RGS22: variants seen among roughly 807,000 people sequenced by gnomAD.
RGS22 encodes regulator of G-protein signaling 22.
A neutral mutation model predicts 172.9 loss-of-function variants in RGS22; 148 were observed. That is an observed-to-expected ratio of 0.86 (90% CI 0.75 to 0.98). RGS22 has a LOEUF of 0.98. Among genes scored for constraint, RGS22 ranks in the 50% least tolerant of loss-of-function variants. The pLI, the probability that RGS22 is intolerant of heterozygous loss-of-function variation, is 0.00. For missense variants in RGS22, 1,347 were observed against 1,440.8 expected (o/e 0.93, Z 1.05); for synonymous variants, 458 against 480.2 (o/e 0.95, Z 0.60).
Position 99,981,822 on chromosome 8 carries a change from A to G in RGS22, c.3360+115T>C, listed in dbSNP as rs916325670. The G allele has an allele frequency of 3.5e-6, 3 of 858,290 alleles. No homozygotes were observed. The Admixed American group carries it at 9.2e-5, about 26-fold the overall frequency. The allele number at this position is 858,290 out of a possible 1,614,324, so 53.2% of individuals were successfully genotyped here. A position where few individuals can be genotyped will look rare whatever the true frequency, so the allele number is the denominator to read the frequency against. Reference sequence around the variant, plus strand: ...AACAATCTGCCTGCCTCAGCCTCCCAAAGTGCTGGGATTACAGGCGTGAGC... The same window carrying G: ...AACAATCTGCCTGCCTCAGCCTCCCGAAGTGCTGGGATTACAGGCGTGAGC... On this transcript the variant is annotated intron_variant, in intron 22 of 27. Coordinates refer to ENST00000360863, the MANE Select transcript of RGS22 (RefSeq NM_015668.5).
rs574814121 is a variant in RGS22 at position 100,029,161 on chromosome 8, T to G, written c.2166+9770A>C. Reference sequence around the variant, plus strand: ...TCTGATGCTAGAAAATGAATATTGCTAACAACCATGTGAACACTGAAGCTG... The same window carrying G: ...TCTGATGCTAGAAAATGAATATTGCGAACAACCATGTGAACACTGAAGCTG... On this transcript the variant is annotated intron_variant, in intron 14 of 27. Coordinates refer to ENST00000360863, the MANE Select transcript of RGS22 (RefSeq NM_015668.5). Among the ~76,000 whole-genome samples the G allele has an allele frequency of 7.9e-5, 12 of 152,232 alleles. No homozygotes were observed. In the East Asian group the frequency reaches 2.1e-3, roughly 27 times the overall value.
intron 20 of RGS22, among the ~76,000 whole-genome samples, chr8:99,987,963 A>G (rs1182046605): frequency 1.3e-5 from 2 of 151,690 alleles, no homozygotes; most frequent in East Asian, 3.9e-4. Context: ...TGTTATGATT[A>G]TATGTTATTA....
chr8:100,071,559 A>C, intron 5 of RGS22, 22 bp from the exon 6 acceptor site: 5 of 1,573,470 alleles, frequency 3.2e-6, no homozygotes, highest in Non-Finnish European at 1.7e-6. Flanking sequence ...AAATCATACA[A>C]ATTTAAAACA....
intron 14 of RGS22, chr8:100,038,655 A>G (rs989628288): frequency 3.1e-5 from 8 of 259,808 alleles, no homozygotes; most frequent in African/African-American, 1.6e-4. Context: ...AAAGGTATAC[A>G]TTAGAAAAAA....
intron 2 of RGS22, among the ~76,000 whole-genome samples, chr8:100,095,220 G>A (rs750829861): frequency 1.4e-4 from 21 of 152,170 alleles, no homozygotes; most frequent in African/African-American, 2.2e-4. Context: ...GTCTTGCCCC[G>A]TCACCCAGGC....
chr8:100,060,417 T>TAC lies in RGS22; in HGVS notation c.1514+2173_1514+2174insGT, dbSNP rs1810028066. ...TTAGCTACGTGTATATATATATATATATATACACACACACACACACACACG... is the reference window on the plus strand; with the variant it reads ...TTAGCTACGTGTATATATATATATATACATATACACACACACACACACACACG... On this transcript the variant is annotated intron_variant, in intron 9 of 27. Coordinates refer to ENST00000360863, the MANE Select transcript of RGS22 (RefSeq NM_015668.5). 9.9e-5 allele frequency among the ~76,000 whole-genome samples: 13 copies of TAC among 131,106 alleles called. No individual in the cohort carries two copies. The South Asian group carries it at 3.2e-3, about 32-fold the overall frequency. The allele number at this position is 131,106 out of a possible 152,430, so 86.0% of individuals were successfully genotyped here.
intron 4 of RGS22, 115 bp from the exon 5 acceptor site, chr8:100,072,345 CT>C (rs1400774333): frequency 1.6e-5 from 9 of 565,676 alleles, no homozygotes; most frequent in Non-Finnish European, 2.7e-5. Context: ...AGCCCTACCC[CT>C]AGGTCTTCTA....
intron 6 of RGS22, among the ~76,000 whole-genome samples, chr8:100,068,554 TC>T (rs200320643): frequency 0.012 from 1,837 of 152,326 alleles, 32 homozygotes; most frequent in African/African-American, 0.038. Context: ...CCAGATTGAT[TC>T]TTCCCTTTAC....
chr8:100,029,379 C>A (rs185681155), intron 14 of RGS22, among the ~76,000 whole-genome samples: 2 of 152,068 alleles, frequency 1.3e-5, no homozygotes, highest in Non-Finnish European at 2.9e-5. Flanking sequence ...AACTATAACA[C>A]GTTTAAAATG....
chr8:100,019,065 A>G (rs1020260138), intron 14 of RGS22, among the ~76,000 whole-genome samples: 1 of 152,178 alleles, frequency 6.6e-6, no homozygotes, highest in Non-Finnish European at 1.5e-5. Flanking sequence ...AGGCTAAATG[A>G]TGACAGCTAT....
intron 3 of RGS22, among the ~76,000 whole-genome samples, chr8:100,090,331 T>C (rs1812480555): frequency 6.6e-6 from 1 of 152,100 alleles, no homozygotes; most frequent in Non-Finnish European, 1.5e-5. Flanking sequence ...TGGTGAGATT[T>C]GAGCATGGGA....
At chr8:100,012,392 A>C (rs564952735) in intron 14 of RGS22, among the ~76,000 whole-genome samples, 1 of 152,336 alleles carries the variant, frequency 6.6e-6, no homozygotes, top group Non-Finnish European at 1.5e-5. Context: ...AAAGAGCAAC[A>C]GTGATTTGAA....
intron 9 of RGS22, among the ~76,000 whole-genome samples, chr8:100,054,763 A>C (rs1822067178): frequency 2.6e-5 from 4 of 152,120 alleles, no homozygotes. Flanking sequence ...CAGAACCTTT[A>C]CTTGCAGACT....
intron 19 of RGS22, 97 bp from the exon 20 acceptor site, chr8:99,996,627 C>T: frequency 9.7e-7 from 1 of 1,030,478 alleles, no homozygotes; most frequent in Non-Finnish European, 1.5e-6. Flanking sequence ...TAAAGGTTAA[C>T]TTGGACAAGA....
chr8:100,051,869 ATATATT>A (rs1163841817), intron 10 of RGS22, among the ~76,000 whole-genome samples: 17 of 56,278 alleles, frequency 3.0e-4, no homozygotes, highest in African/African-American at 1.5e-3. Flanking sequence ...ATAAATGTTT[ATATATT>A]TATATATTTA....
At chr8:100,060,252 A>C (rs992562810) in intron 9 of RGS22, among the ~76,000 whole-genome samples, 4 of 151,652 alleles carry the variant, frequency 2.6e-5, no homozygotes, top group African/African-American at 9.7e-5. Flanking sequence ...TTCTTTTATT[A>C]TACTAATGTC....
chr8:100,088,617 GCAAT>G (rs1400189459), intron 3 of RGS22, among the ~76,000 whole-genome samples: 1 of 152,118 alleles, frequency 6.6e-6, no homozygotes, highest in Non-Finnish European at 1.5e-5. Context: ...GGAAAGTGCT[GCAAT>G]CATTTATAAT....
At chr8:100,054,537 T>C (rs1190407423) in intron 9 of RGS22, 1 of 153,810 alleles carries the variant, frequency 6.5e-6, no homozygotes, top group Non-Finnish European at 1.5e-5. Flanking sequence ...CAGGCTGCAG[T>C]GAGCCATGAC....
chr8:99,980,043 A>T lies in RGS22; in HGVS notation c.3360+1894T>A, dbSNP rs573298999. 6.6e-5 allele frequency among the ~76,000 whole-genome samples: 10 copies of T among 152,342 alleles called. No individual in the cohort carries two copies. The South Asian group carries it at 2.1e-3, about 32-fold the overall frequency. On this transcript the variant is annotated intron_variant, in intron 22 of 27. Transcript: ENST00000360863. Reference sequence around the variant, plus strand: ...TGGTAAAAGATGTAGCTAGAGAGATATCTAGGAGTATGGACTTCATTCTGA... The same window carrying T: ...TGGTAAAAGATGTAGCTAGAGAGATTTCTAGGAGTATGGACTTCATTCTGA...
Sources: gnomAD v4.1 joint callset for allele counts (sites outside exome capture counted in the v4.1 genomes callset) on GRCh38, gnomAD v4.1.1 for gene constraint, MANE v1.5 for transcripts, NCBI Gene and HGNC (gene_info 2026-07-23, HGNC 2026-07-21) for gene names.